The following FSTL5 variants were observed in gnomAD, a reference collection of about 807,000 sequenced individuals.
FSTL5 encodes follistatin-related protein 5.
Under a neutral mutation model 89.1 loss-of-function variants are expected in FSTL5, and 62 were observed. That is an observed-to-expected ratio of 0.70 (90% CI 0.57 to 0.86). The LOEUF (loss-of-function observed/expected upper bound fraction) is 0.86, where lower values mean the gene tolerates loss of function less well. Among genes scored for constraint, FSTL5 ranks in the 40% least tolerant of loss-of-function variants. The pLI is 0.00. For missense variants in FSTL5, 1,057 were observed against 1,001.6 expected (o/e 1.06, Z -0.75); for synonymous variants, 383 against 346.2 (o/e 1.11, Z -1.18).
chr4:162,005,619 G>C (rs565374622), intron 3 of FSTL5, among the ~76,000 whole-genome samples: 1 of 152,040 alleles, frequency 6.6e-6, no homozygotes, highest in African/African-American at 2.4e-5. Context: ...AAAGGTATTA[G>C]GGGAAGAGAA....
At chr4:161,784,895 A>AAAAAAAAAAAAACAAAAAC (rs1553965825) in intron 4 of FSTL5, among the ~76,000 whole-genome samples, 3 of 142,014 alleles carry the variant, frequency 2.1e-5, no homozygotes, top group African/African-American at 7.9e-5. Flanking sequence ...TCCGTCTCAA[A>AAAAAAAAAAAAACAAAAAC]AAAAACAAAA....
At chr4:161,665,868 T>C (rs987304581) in intron 6 of FSTL5, among the ~76,000 whole-genome samples, 1 of 149,076 alleles carries the variant, frequency 6.7e-6, no homozygotes, top group Non-Finnish European at 1.5e-5. Context: ...AGCAAAAAAA[T>C]AAAAAAGAAG....
chr4:161,724,353 A>T (rs560905775), intron 6 of FSTL5, among the ~76,000 whole-genome samples: 81 of 152,312 alleles, frequency 5.3e-4, no homozygotes, highest in African/African-American at 1.9e-3. Flanking sequence ...TAATAGGCCG[A>T]TGTACATAGA....
intron 15 of FSTL5, among the ~76,000 whole-genome samples, chr4:161,434,283 G>T (rs907250859): frequency 6.6e-6 from 1 of 151,934 alleles, no homozygotes. Context: ...TTCAACAAAG[G>T]TGCCAAGAAC....
intron 1 of FSTL5, among the ~76,000 whole-genome samples, chr4:162,123,667 G>A (rs1731956890): frequency 6.6e-6 from 1 of 152,090 alleles, no homozygotes; most frequent in Non-Finnish European, 1.5e-5. Context: ...TAAAGCTACT[G>A]GAACTATTTC....
intron 15 of FSTL5, among the ~76,000 whole-genome samples, chr4:161,441,854 C>G (rs890631552): frequency 1.3e-5 from 2 of 152,056 alleles, no homozygotes; most frequent in Non-Finnish European, 2.9e-5. Context: ...ATCCCCTGAG[C>G]CGACTATGGC....
chr4:161,608,268 T>C (rs550579333), intron 7 of FSTL5, among the ~76,000 whole-genome samples: 1 of 152,258 alleles, frequency 6.6e-6, no homozygotes, highest in Admixed American at 6.5e-5. Context: ...TTTGCACATA[T>C]TAAAAATTTC....
intron 3 of FSTL5, among the ~76,000 whole-genome samples, chr4:161,945,012 T>A (rs1243624767): frequency 6.6e-6 from 1 of 151,930 alleles, no homozygotes; most frequent in Admixed American, 6.6e-5. Context: ...TCTCAGAAAA[T>A]ACATGACAGC....
At chr4:161,809,032 C>A (rs1033845877) in intron 4 of FSTL5, among the ~76,000 whole-genome samples, 19 of 152,130 alleles carry the variant, frequency 1.2e-4, no homozygotes, top group African/African-American at 4.6e-4. Flanking sequence ...TCCTGGCTAA[C>A]ACAGTGAAAC....
At chr4:161,935,870 C>A (rs1734418787) in intron 3 of FSTL5, among the ~76,000 whole-genome samples, 1 of 152,164 alleles carries the variant, frequency 6.6e-6, no homozygotes, top group Admixed American at 6.6e-5. Flanking sequence ...TGAAGACCTT[C>A]TCCTATTCAT....
chr4:162,080,967 T>C (rs1043510652), intron 2 of FSTL5, among the ~76,000 whole-genome samples: 2 of 151,696 alleles, frequency 1.3e-5, no homozygotes, highest in African/African-American at 4.8e-5. Context: ...AGTATTATTC[T>C]ATGCAAATTA....
intron 7 of FSTL5, among the ~76,000 whole-genome samples, chr4:161,609,347 A>G (rs1195153463): frequency 6.6e-6 from 1 of 152,200 alleles, no homozygotes; most frequent in African/African-American, 2.4e-5. Context: ...CGATATATCA[A>G]TAAGTTTTGC....
intron 3 of FSTL5, among the ~76,000 whole-genome samples, chr4:162,011,810 G>A (rs890454198): frequency 4.6e-5 from 7 of 152,004 alleles, no homozygotes; most frequent in African/African-American, 1.4e-4. Flanking sequence ...AGTTTACTCT[G>A]TTAACCCTTA....
At chr4:161,611,343 A>G (rs1185071383) in intron 7 of FSTL5, among the ~76,000 whole-genome samples, 1 of 150,034 alleles carries the variant, frequency 6.7e-6, no homozygotes, top group Non-Finnish European at 1.5e-5. Context: ...ACATTAATTT[A>G]TCAAGAAAAT....
At chr4:161,940,337 A>G (rs904930081) in intron 3 of FSTL5, among the ~76,000 whole-genome samples, 2 of 151,872 alleles carry the variant, frequency 1.3e-5, no homozygotes, top group African/African-American at 4.8e-5. Flanking sequence ...CAGTAGTCCC[A>G]GAAGAGGAGA....
intron 6 of FSTL5, among the ~76,000 whole-genome samples, chr4:161,694,437 C>G (rs13135702): frequency 0.53 from 81,032 of 151,840 alleles, 25,366 homozygotes; most frequent in East Asian, 0.69. Flanking sequence ...GTATTTTGAA[C>G]TACAGAATTT....
rs200174824 is a variant in FSTL5 at position 162,111,324 on chromosome 4, C to T, written c.73G>A (p.Glu25Lys). The T allele has an allele frequency of 8.8e-5, 142 of 1,611,942 alleles. No homozygotes were observed. Among genetic ancestry groups the T allele is most frequent in the Admixed American group, 1.7e-5 (1 of 59,974 alleles). ...TAGGATTTAAGGCCATATCCTCCTT[C>T]TTTGGTTGGCCTTCCTTCCGACTCC... ...FLESEGRPTK[E>K]GGYGLKSYQP... The change falls in exon 2 of 16, where the codon GAA (glutamate) becomes AAA (lysine). Residue 25 changes from glutamate (E) to lysine (K), a missense_variant. This residue lies in a region of FSTL5 where 980 missense variants were observed against 903.2 expected (regional missense o/e 1.08). Transcript: ENST00000306100.
At position 161,805,962 on chromosome 4, in the gene FSTL5, C is replaced by A. The variant is rs577459698; in HGVS notation, c.410-29888G>T. ...TTTTTTATAGTATATTGTTACAATTCTATCTTATTTTAGTTATTGTTAATC... is the reference window on the plus strand; with the variant it reads ...TTTTTTATAGTATATTGTTACAATTATATCTTATTTTAGTTATTGTTAATC... On this transcript the variant is annotated intron_variant, in intron 4 of 15. Transcript: ENST00000306100. Among the ~76,000 whole-genome samples, 191 of 152,104 alleles carry A rather than the reference C, an allele frequency of 1.3e-3. 1 individual carries two copies. Among genetic ancestry groups the A allele is most frequent in the African/African-American group, 4.2e-3 (175 of 41,522 alleles).
intron 3 of FSTL5, among the ~76,000 whole-genome samples, chr4:161,958,149 G>A (rs572252146): frequency 2.0e-5 from 3 of 151,996 alleles, no homozygotes; most frequent in East Asian, 1.9e-4. Flanking sequence ...CCTATCAGAC[G>A]TTGTGGTTTT....
Sources: allele counts gnomAD v4.1 joint callset (sites outside exome capture counted in the v4.1 genomes callset), GRCh38; gene constraint gnomAD v4.1.1; regional missense constraint gnomAD v4.1.1; transcripts MANE v1.5; gene names NCBI Gene and HGNC (gene_info 2026-07-23, HGNC 2026-07-21).